L3MBTL4: variants seen among roughly 807,000 people sequenced by gnomAD.
L3MBTL4 encodes L3MBTL histone methyl-lysine binding protein 4.
L3MBTL4 carries 70 observed loss-of-function variants against 84.5 expected under a neutral mutation model. The ratio of observed to expected loss-of-function variants is 0.83; its 90% CI spans 0.68 to 1.01. L3MBTL4 has a LOEUF of 1.01. Among genes scored for constraint, L3MBTL4 ranks in the 50% least tolerant of loss-of-function variants. The probability of loss-of-function intolerance (pLI) is 0.00; values close to 1 mark genes in which losing one functional copy is unlikely to be tolerated. For synonymous variants in L3MBTL4, 274 were observed against 259.8 expected (o/e 1.05, Z -0.52); for missense variants, 715 against 754.8 (o/e 0.95, Z 0.62).
At chr18:6,137,264 C>T (rs187612276) in intron 14 of L3MBTL4, among the ~76,000 whole-genome samples, 234 of 152,232 alleles carry the variant, frequency 1.5e-3, no homozygotes, top group Non-Finnish European at 2.2e-3. Flanking sequence ...TTTATGAATG[C>T]TATATTTTTT....
intron 5 of L3MBTL4, among the ~76,000 whole-genome samples, chr18:6,250,258 T>C (rs769214021): frequency 6.6e-6 from 1 of 152,136 alleles, no homozygotes; most frequent in South Asian, 2.1e-4. Flanking sequence ...AAAATGCTTG[T>C]AAAATGGGCC....
chr18:6,139,024 C>T lies in L3MBTL4; in HGVS notation c.1097-728G>A, dbSNP rs530398279. ...ACAGAAACTGGGCCAGCAAATGGGGCGTGCTGAAGATGGCAAACATGGCCC... is the reference window on the plus strand; with the variant it reads ...ACAGAAACTGGGCCAGCAAATGGGGTGTGCTGAAGATGGCAAACATGGCCC... On this transcript the variant is annotated intron_variant, in intron 13 of 18. Transcript: ENST00000317931. Among the ~76,000 whole-genome samples the T allele has an allele frequency of 1.7e-3, 254 of 152,168 alleles. 2 individuals carry two copies. Among genetic ancestry groups the T allele is most frequent in the African/African-American group, 5.1e-3 (213 of 41,514 alleles).
intron 16 of L3MBTL4, chr18:6,029,383 A>G: frequency 1.2e-6 from 1 of 822,168 alleles, no homozygotes; most frequent in Non-Finnish European, 1.5e-6. Flanking sequence ...TAAAATGACA[A>G]TTATTTGTAG....
rs1344842123 is a variant in L3MBTL4, at chr18:6,379,636, T to A, written c.-91+35165A>T. On this transcript the variant is annotated intron_variant, in intron 1 of 18. Coordinates refer to ENST00000317931, the MANE Select transcript of L3MBTL4 (RefSeq NM_001330559.2). ...GATTACATTTATTGATTTGCATATG[T>A]TGAACCAGCCTTGCATCCCAGATAT... 5.9e-5 allele frequency among the ~76,000 whole-genome samples: 9 copies of A among 152,236 alleles called. No homozygotes were observed. The East Asian group carries it at 1.7e-3, about 29-fold the overall frequency.
At position 6,377,102 on chromosome 18, in the gene L3MBTL4, CCT is replaced by C. The variant is rs763953553; in HGVS notation, c.-91+37697_-91+37698del. Reference sequence around the variant, plus strand: ...GATTTCTCTGATCCTCACCTGGCCCCCTGTCTCAAGGGTCACAAACCTGGCTG... The same window carrying C: ...GATTTCTCTGATCCTCACCTGGCCCCGTCTCAAGGGTCACAAACCTGGCTG... On this transcript the variant is annotated intron_variant, in intron 1 of 18. Coordinates refer to ENST00000317931, the MANE Select transcript of L3MBTL4 (RefSeq NM_001330559.2). 1.9e-4 allele frequency among the ~76,000 whole-genome samples: 29 copies of C among 152,276 alleles called. 1 individual carries two copies. The highest frequency in any genetic ancestry group is 3.1e-4 in the African/African-American group (13 of 41,546).
chr18:6,272,565 G>C (rs78241603), intron 4 of L3MBTL4, among the ~76,000 whole-genome samples: 2,434 of 59,676 alleles, frequency 0.041, 8 homozygotes, highest in East Asian at 0.11. Context: ...ACACAGAAGA[G>C]TTCTGACAGC....
chr18:6,241,762 A>C (rs1285787819), intron 7 of L3MBTL4, among the ~76,000 whole-genome samples: 1 of 152,166 alleles, frequency 6.6e-6, no homozygotes, highest in Non-Finnish European at 1.5e-5. Flanking sequence ...ACATGCTCTG[A>C]TACGGAGTCA....
chr18:6,017,634 CAG>C (rs1373051929), intron 16 of L3MBTL4: 1 of 152,226 alleles, frequency 6.6e-6, no homozygotes, highest in Non-Finnish European at 1.5e-5. Flanking sequence ...TAATATCATG[CAG>C]AGAGTGCACA....
intron 14 of L3MBTL4, among the ~76,000 whole-genome samples, chr18:6,122,613 G>A (rs1356588792): frequency 1.3e-5 from 2 of 152,198 alleles, no homozygotes; most frequent in East Asian, 3.8e-4. Flanking sequence ...ATGTGGAACT[G>A]TAAGTCAAAT....
intron 13 of L3MBTL4, among the ~76,000 whole-genome samples, chr18:6,138,587 C>T (rs1420875146): frequency 1.3e-5 from 2 of 152,272 alleles, no homozygotes; most frequent in East Asian, 3.9e-4. Context: ...AAGTCTCACT[C>T]TGTTGCCCAG....
intron 12 of L3MBTL4, among the ~76,000 whole-genome samples, chr18:6,207,752 G>A (rs1378753337): frequency 6.6e-6 from 1 of 152,070 alleles, no homozygotes. Flanking sequence ...TTAGCTCAAA[G>A]GACATATATT....
intron 16 of L3MBTL4, among the ~76,000 whole-genome samples, chr18:6,033,145 A>G (rs190626786): frequency 1.3e-5 from 2 of 152,174 alleles, no homozygotes; most frequent in Admixed American, 6.5e-5. Context: ...TTTGTTTTAT[A>G]TGTTTTGATG....
At chr18:5,959,722 C>T (rs1219850349) in intron 18 of L3MBTL4, among the ~76,000 whole-genome samples, 1 of 152,066 alleles carries the variant, frequency 6.6e-6, no homozygotes, top group Non-Finnish European at 1.5e-5. Flanking sequence ...ATGGAGAGGC[C>T]TCATGACACT....
intron 4 of L3MBTL4, among the ~76,000 whole-genome samples, chr18:6,285,877 G>A (rs2049554734): frequency 6.6e-6 from 1 of 150,494 alleles, no homozygotes; most frequent in African/African-American, 2.4e-5. Context: ...CTGTCACCAG[G>A]CTGGAGTGCA....
At chr18:5,959,905 T>C (rs2095253782) in intron 18 of L3MBTL4, among the ~76,000 whole-genome samples, 189 bp downstream of exon 18, 1 of 151,940 alleles carries the variant, frequency 6.6e-6, no homozygotes. Flanking sequence ...AATTGGGCTC[T>C]ATTCCTGCTG....
chr18:6,160,374 C>G (rs926254090), intron 13 of L3MBTL4, among the ~76,000 whole-genome samples: 7 of 152,116 alleles, frequency 4.6e-5, no homozygotes, highest in African/African-American at 1.4e-4. Context: ...CAGGAGTGTT[C>G]GGAGCCAAAA....
Position 6,311,544 on chromosome 18 carries a change from G to C in L3MBTL4, c.72+10C>G. 2 of 1,610,574 alleles carry C rather than the reference G, an allele frequency of 1.2e-6. No homozygotes were observed. Among genetic ancestry groups the C allele is most frequent in the Non-Finnish European group, 1.7e-6 (2 of 1,177,666 alleles). ...CACTGTGAGGAAGGGTCCAGGGATG[G>C]ACATCTTACCAAGCGTCCGTCCTGA... On this transcript the variant is annotated intron_variant, in intron 3 of 18. Coordinates refer to ENST00000317931, the MANE Select transcript of L3MBTL4 (RefSeq NM_001330559.2).
chr18:6,376,664 G>T (rs1399416412), intron 1 of L3MBTL4, among the ~76,000 whole-genome samples: 1 of 152,144 alleles, frequency 6.6e-6, no homozygotes, highest in Non-Finnish European at 1.5e-5. Context: ...CTTGGACATG[G>T]GAGGTTGAGG....
intron 4 of L3MBTL4, among the ~76,000 whole-genome samples, chr18:6,269,984 C>T (rs2048796550): frequency 6.6e-6 from 1 of 152,202 alleles, no homozygotes; most frequent in Non-Finnish European, 1.5e-5. Flanking sequence ...TTTCCCAATT[C>T]CATTAGCCAT....
Sources: allele counts gnomAD v4.1 joint callset (sites outside exome capture counted in the v4.1 genomes callset), GRCh38; gene constraint gnomAD v4.1.1; transcripts MANE v1.5; gene names NCBI Gene and HGNC (gene_info 2026-07-23, HGNC 2026-07-21).